ZNF185: variants seen among roughly 807,000 people sequenced by gnomAD.
ZNF185 encodes zinc finger protein 185 with LIM domain.
ZNF185 carries 56 observed loss-of-function variants against 58.6 expected under a neutral mutation model. That is an observed-to-expected ratio of 0.95 (90% confidence interval 0.77 to 1.19). ZNF185 has a LOEUF of 1.19. Ranked by LOEUF, ZNF185 falls within the 50% of genes most tolerant of loss-of-function variation. The probability of loss-of-function intolerance (pLI) is 0.00; values close to 1 mark genes in which losing one functional copy is unlikely to be tolerated. For missense variants in ZNF185, 627 were observed against 573.5 expected (o/e 1.09, Z -0.95); for synonymous variants, 230 against 215.9 (o/e 1.07, Z -0.57).
intron 9 of ZNF185, among the ~76,000 whole-genome samples, chrX:152,921,626 C>T (rs953821729): frequency 6.3e-5 from 7 of 111,660 alleles, no homozygotes; most frequent in African/African-American, 2.3e-4. Context: ...AAGGGATTCT[C>T]TCCCGGTTCT....
At chrX:152,919,533 G>A (rs1311781663) in intron 7 of ZNF185, among the ~76,000 whole-genome samples, 2 of 111,516 alleles carry the variant, frequency 1.8e-5, no homozygotes, top group Admixed American at 1.9e-4. Context: ...TGTGCCCCAT[G>A]CTGCTGAAAT....
chrX:152,921,919 T>C (rs1447419550), intron 9 of ZNF185, among the ~76,000 whole-genome samples: 1 of 111,805 alleles, frequency 8.9e-6, no homozygotes, highest in Non-Finnish European at 1.9e-5. Flanking sequence ...TGATTACATC[T>C]GCAAAGACCC....
chrX:152,969,747 CTA>C (rs782472295), intron 21 of ZNF185, among the ~76,000 whole-genome samples: 1 of 112,677 alleles, frequency 8.9e-6, no homozygotes, highest in Non-Finnish European at 1.9e-5. Context: ...TCAGGAAAGA[CTA>C]TTTCTGGCAG....
At chrX:152,947,352 C>A (rs1237388587) in intron 16 of ZNF185, among the ~76,000 whole-genome samples, 1 of 111,374 alleles carries the variant, frequency 9.0e-6, no homozygotes, top group African/African-American at 3.3e-5. Flanking sequence ...CACTGTACTC[C>A]AGCCTGGGTA....
chrX:152,913,511 G>A (rs988438052), upstream of ZNF185, among the ~76,000 whole-genome samples: 1 of 112,680 alleles, frequency 8.9e-6, no homozygotes. Context: ...GAGCAGCACC[G>A]GGCTCAGGGG....
intron 16 of ZNF185, among the ~76,000 whole-genome samples, chrX:152,958,899 C>T (rs1556907248): frequency 2.7e-5 from 3 of 112,437 alleles, no homozygotes; most frequent in South Asian, 3.7e-4. Flanking sequence ...GTGCACAGGC[C>T]GGGGTGCGGC....
chrX:152,934,908 C>T (rs1235025251), intron 14 of ZNF185, among the ~76,000 whole-genome samples: 1 of 112,066 alleles, frequency 8.9e-6, no homozygotes, highest in Non-Finnish European at 1.9e-5. Context: ...ACAGCAGCCT[C>T]AACCTCTGGG....
intron 16 of ZNF185, among the ~76,000 whole-genome samples, chrX:152,949,210 A>G (rs1006111792): frequency 1.1e-4 from 12 of 111,904 alleles, no homozygotes; most frequent in African/African-American, 3.9e-4. Context: ...GACTGAGCAA[A>G]TGCCTGGTCC....
intron 5 of ZNF185, chrX:152,917,815 A>G (rs1300724125): frequency 1.0e-5 from 11 of 1,064,051 alleles, no homozygotes; most frequent in Non-Finnish European, 1.3e-5. Context: ...GGAAAGGCCA[A>G]GGGGACCCGG....
At chrX:152,936,502 A>G in intron 14 of ZNF185, 1 of 1,166,123 alleles carries the variant, frequency 8.6e-7, no homozygotes, top group Non-Finnish European at 1.1e-6. Context: ...AGCCTAGACC[A>G]GCAGCCATCA....
chrX:152,912,571 C>T (rs1401589084), upstream of ZNF185, among the ~76,000 whole-genome samples: 1 of 111,578 alleles, frequency 9.0e-6, no homozygotes, highest in Non-Finnish European at 1.9e-5. Flanking sequence ...TTGCCACGCT[C>T]ATATGTGGAA....
At chrX:152,954,514 G>T (rs1231343859) in intron 16 of ZNF185, among the ~76,000 whole-genome samples, 1 of 112,445 alleles carries the variant, frequency 8.9e-6, no homozygotes, top group African/African-American at 3.2e-5. Context: ...ACTGGTAGGA[G>T]CAGCAGGCTC....
intron 16 of ZNF185, among the ~76,000 whole-genome samples, chrX:152,946,227 C>G (rs1403416633): frequency 2.7e-5 from 3 of 111,962 alleles, no homozygotes; most frequent in Non-Finnish European, 5.6e-5. Flanking sequence ...CATATTGCCC[C>G]GAGAGAGGAG....
intron 11 of ZNF185, among the ~76,000 whole-genome samples, chrX:152,927,494 T>G (rs1556873488): frequency 9.0e-6 from 1 of 111,362 alleles, no homozygotes; most frequent in Non-Finnish European, 1.9e-5. Flanking sequence ...GTGGCCTCTT[T>G]AAAGTGCCAG....
chrX:152,965,998 GTTAA>G (rs1270451749), intron 19 of ZNF185, among the ~76,000 whole-genome samples: 1 of 109,930 alleles, frequency 9.1e-6, no homozygotes, highest in East Asian at 2.8e-4. Context: ...TAATTAATTA[GTTAA>G]TTAATTTTAA....
intron 12 of ZNF185, among the ~76,000 whole-genome samples, 185 bp downstream of exon 13, chrX:152,928,846 T>C (rs1330858874): frequency 8.8e-6 from 1 of 113,188 alleles, no homozygotes; most frequent in Non-Finnish European, 1.9e-5. Context: ...AAAACCATTA[T>C]GGAGCAAGCG....
intron 11 of ZNF185, among the ~76,000 whole-genome samples, chrX:152,923,724 A>G (rs1482821394): frequency 8.9e-6 from 1 of 111,933 alleles, no homozygotes; most frequent in African/African-American, 3.3e-5. Flanking sequence ...TGCAGTTCAC[A>G]ATACGGTTCG....
At chrX:152,966,069 G>A (rs782346844) in intron 19 of ZNF185, among the ~76,000 whole-genome samples, 8 of 109,393 alleles carry the variant, frequency 7.3e-5, no homozygotes, top group East Asian at 2.9e-4. Flanking sequence ...GTGCAGTGGC[G>A]CCATCTCAGC....
At chrX:152,939,969 G>A (rs1436399299) in intron 15 of ZNF185, among the ~76,000 whole-genome samples, 1 of 109,930 alleles carries the variant, frequency 9.1e-6, no homozygotes, top group Non-Finnish European at 1.9e-5. Context: ...TTTTACTAGG[G>A]ATAGGGTTTC....
Sources: allele counts gnomAD v4.1 joint callset (sites outside exome capture counted in the v4.1 genomes callset), GRCh38; gene constraint gnomAD v4.1.1; transcripts MANE v1.5; gene names NCBI Gene and HGNC (gene_info 2026-07-23, HGNC 2026-07-21).